The following ELOVL6 variants were observed in gnomAD, a reference collection of about 807,000 sequenced individuals.
The protein encoded by ELOVL6 is very long chain fatty acid elongase 6.
Under a neutral mutation model 31.7 loss-of-function variants are expected in ELOVL6, and 8 were observed. The observed-to-expected ratio is 0.25, with a 90% CI of 0.15 to 0.45. ELOVL6 has a LOEUF of 0.45. ELOVL6 is among the 20% of genes least tolerant of loss of function. The pLI is 1.00. For missense variants in ELOVL6, 126 were observed against 326.4 expected (o/e 0.39, Z 4.73); for synonymous variants, 101 against 117.7 (o/e 0.86, Z 0.92).
chr4:110,157,416 A>G (rs1343180454), intron 1 of ELOVL6, among the ~76,000 whole-genome samples: 3 of 152,204 alleles, frequency 2.0e-5, no homozygotes, highest in African/African-American at 7.2e-5. Flanking sequence ...CATGCCTGTA[A>G]TCCCAGCATT....
In ELOVL6 at chr4:110,160,095, T is replaced by TAC. The variant is rs71818366; in HGVS notation, c.89+38150_89+38151dup. Among the ~76,000 whole-genome samples the TAC allele has an allele frequency of 1.8e-3, 270 of 150,288 alleles. 1 individual carries two copies. The highest frequency in any genetic ancestry group is 5.6e-3 in the African/African-American group (229 of 40,910). The stretch of plus-strand genomic sequence containing the variant: ...AACACATGAGGGTTTGCTTACAACT[T>TAC]ACACACACACACACACAAACACACA... On this transcript the variant is annotated intron_variant, in intron 1 of 3. Coordinates refer to ENST00000302274, the MANE Select transcript of ELOVL6 (RefSeq NM_024090.3).
At chr4:110,109,779 T>A (rs1029977357) in intron 1 of ELOVL6, among the ~76,000 whole-genome samples, 2 of 152,338 alleles carry the variant, frequency 1.3e-5, no homozygotes, top group South Asian at 4.1e-4. Context: ...ACTAGTTTAT[T>A]TGCTAATGAA....
chr4:110,068,270 G>C (rs1400570503), intron 2 of ELOVL6, among the ~76,000 whole-genome samples: 1 of 152,178 alleles, frequency 6.6e-6, no homozygotes, highest in Admixed American at 6.5e-5. Context: ...ATGACTAATA[G>C]TATCATATGA....
At chr4:110,187,418 G>A (rs1013787646) in intron 1 of ELOVL6, among the ~76,000 whole-genome samples, 3 of 150,666 alleles carry the variant, frequency 2.0e-5, no homozygotes, top group Admixed American at 6.6e-5. Flanking sequence ...ACAAATGAAG[G>A]CTTCTCAAGT....
At chr4:110,181,356 G>A (rs1254641906) in intron 1 of ELOVL6, among the ~76,000 whole-genome samples, 1 of 152,118 alleles carries the variant, frequency 6.6e-6, no homozygotes, top group African/African-American at 2.4e-5. Context: ...GCTGAGGTGG[G>A]AGAATCACCA....
At chr4:110,127,406 CAAAAA>C (rs572027886) in intron 1 of ELOVL6, among the ~76,000 whole-genome samples, 1 of 85,516 alleles carries the variant, frequency 1.2e-5, no homozygotes, top group Non-Finnish European at 2.1e-5. Context: ...GATTCCGTCT[CAAAAA>C]AAAAAAAAAA....
Position 110,137,625 on chromosome 4 carries a change from T to A in ELOVL6, c.90-31997A>T, listed in dbSNP as rs904074052. Reference sequence around the variant, plus strand: ...CTAATGCTCAGTCTTATCAGATTTATCTTATTTATTAATAGAATGTGGATT... The same window carrying A: ...CTAATGCTCAGTCTTATCAGATTTAACTTATTTATTAATAGAATGTGGATT... On this transcript the variant is annotated intron_variant, in intron 1 of 3. Transcript: ENST00000302274. 4.7e-4 allele frequency among the ~76,000 whole-genome samples: 71 copies of A among 152,356 alleles called. 1 individual carries two copies. The highest frequency in any genetic ancestry group is 4.6e-3 in the Admixed American group (70 of 15,290).
intron 1 of ELOVL6, among the ~76,000 whole-genome samples, chr4:110,126,157 C>A (rs1477778203): frequency 6.6e-6 from 1 of 152,180 alleles, no homozygotes; most frequent in East Asian, 1.9e-4. Flanking sequence ...AATTGTCCTA[C>A]CTCAGCCTCC....
At chr4:110,185,852 CTGAGAAGT>C (rs1431513522) in intron 1 of ELOVL6, among the ~76,000 whole-genome samples, 6 of 152,058 alleles carry the variant, frequency 3.9e-5, no homozygotes, top group Admixed American at 3.9e-4. Context: ...AAGGGGCTTC[CTGAGAAGT>C]CCTGAGGTCT....
chr4:110,178,197 T>C (rs1759167123), intron 1 of ELOVL6, among the ~76,000 whole-genome samples: 1 of 152,180 alleles, frequency 6.6e-6, no homozygotes, highest in Non-Finnish European at 1.5e-5. Flanking sequence ...TCTATATATT[T>C]CTTAAAAGTT....
At chr4:110,056,127 G>GGC (rs1754978609) in intron 3 of ELOVL6, among the ~76,000 whole-genome samples, 1 of 142,708 alleles carries the variant, frequency 7.0e-6, no homozygotes, top group Non-Finnish European at 1.5e-5. Context: ...GGAGCTGGGG[G>GGC]GGGGGATACA....
At chr4:110,165,036 T>C (rs1758735911) in intron 1 of ELOVL6, among the ~76,000 whole-genome samples, 1 of 152,112 alleles carries the variant, frequency 6.6e-6, no homozygotes, top group South Asian at 2.1e-4. Context: ...ATGTGGTATG[T>C]GGCCTTTCTG....
chr4:110,133,075 G>A (rs1478829081), intron 1 of ELOVL6, among the ~76,000 whole-genome samples: 1 of 152,082 alleles, frequency 6.6e-6, no homozygotes, highest in Non-Finnish European at 1.5e-5. Flanking sequence ...TGGGAAGGGC[G>A]GGGAGCATCA....
intron 2 of ELOVL6, among the ~76,000 whole-genome samples, chr4:110,084,580 ATATATATATTTTTTTT>A (rs1331791532): frequency 0.065 from 3,604 of 55,236 alleles, 137 homozygotes; most frequent in African/African-American, 0.08. Context: ...ATATATATAT[ATATATATATTTTTTTT>A]TTTTTTTTTT....
At chr4:110,161,123 T>G (rs1418723952) in intron 1 of ELOVL6, among the ~76,000 whole-genome samples, 1 of 152,070 alleles carries the variant, frequency 6.6e-6, no homozygotes, top group East Asian at 1.9e-4. Context: ...GTAATCCAAG[T>G]AATAAAAGAC....
intron 1 of ELOVL6, among the ~76,000 whole-genome samples, chr4:110,176,086 G>C (rs72900563): frequency 1.1e-4 from 16 of 150,146 alleles, no homozygotes; most frequent in African/African-American, 3.9e-4. Context: ...TATCTTCAGA[G>C]ATTAAAGAGT....
intron 3 of ELOVL6, among the ~76,000 whole-genome samples, chr4:110,053,256 C>T (rs557424439): frequency 3.6e-4 from 55 of 152,090 alleles, no homozygotes; most frequent in Non-Finnish European, 4.7e-4. Flanking sequence ...TTTAATTAAG[C>T]GCAACAAAAC....
intron 1 of ELOVL6, among the ~76,000 whole-genome samples, chr4:110,147,698 C>A (rs545245299): frequency 4.0e-5 from 6 of 150,678 alleles, no homozygotes; most frequent in Non-Finnish European, 7.4e-5. Flanking sequence ...GGCTGAGGTA[C>A]GAGGATCATT....
intron 2 of ELOVL6, among the ~76,000 whole-genome samples, chr4:110,063,144 T>A (rs1293094046): frequency 6.6e-6 from 1 of 152,228 alleles, no homozygotes; most frequent in Admixed American, 6.5e-5. Flanking sequence ...TTAACCCTAA[T>A]TCAAAGTTAA....
Sources: allele counts gnomAD v4.1 joint callset (sites outside exome capture counted in the v4.1 genomes callset), GRCh38; gene constraint gnomAD v4.1.1; transcripts MANE v1.5; gene names NCBI Gene and HGNC (gene_info 2026-07-23, HGNC 2026-07-21).